Variants in ANOS1 observed in about 807,000 individuals in gnomAD.
ANOS1 encodes anosmin-1.
ANOS1 carries 6 observed loss-of-function variants against 59.0 expected under a neutral mutation model. The observed-to-expected ratio is 0.10, with a 90% CI of 0.06 to 0.20. ANOS1 has a LOEUF of 0.20. Ranked by LOEUF, ANOS1 falls within the 10% of genes least tolerant of loss-of-function variation. The pLI is 1.00. For synonymous variants in ANOS1, 217 were observed against 223.4 expected, an observed-to-expected ratio of 0.97 and a Z score of 0.25; for missense variants, 433 against 542.3, an observed-to-expected ratio of 0.80 and a Z score of 2.00.
rs1929466259 is a variant in ANOS1 at position 8,529,643 on chromosome X, A to G, written c.*3352T>C. 8.9e-6 allele frequency: 1 copy of G among 112,300 alleles called. No homozygotes were observed. The highest frequency in any genetic ancestry group is 1.9e-5 in the Non-Finnish European group (1 of 53,333). 9.3% of individuals were successfully genotyped at this position (112,300 alleles called of 1,213,427 possible). A position where few individuals can be genotyped will look rare whatever the true frequency, so the allele number is the denominator to read the frequency against. ...ACAGTTTAGGCCTTTGAAGTCAACC[A>G]TAATAACTTCTTAGCTGTCCCTTAG... On this transcript the variant is annotated 3_prime_UTR_variant, in exon 14 of 14. Coordinates refer to ENST00000262648, the MANE Select transcript of ANOS1 (RefSeq NM_000216.4).
intron 2 of ANOS1, among the ~76,000 whole-genome samples, chrX:8,684,715 T>A (rs1403573904): frequency 9.4e-6 from 1 of 106,542 alleles, no homozygotes; most frequent in Non-Finnish European, 1.9e-5. Context: ...AAAGCATGAA[T>A]CTTCACAGCT....
intron 6 of ANOS1, 108 bp from the exon 7 acceptor site, chrX:8,570,812 A>G: frequency 1.3e-6 from 1 of 781,015 alleles, no homozygotes; most frequent in Non-Finnish European, 1.9e-6. Context: ...TATAGATAGA[A>G]AAGCTGAAAA....
intron 1 of ANOS1, among the ~76,000 whole-genome samples, chrX:8,706,642 G>T (rs1932781692): frequency 8.9e-6 from 1 of 111,767 alleles, no homozygotes; most frequent in Non-Finnish European, 1.9e-5. Flanking sequence ...TGTGCATGGT[G>T]GGGGCAGAGA....
At chrX:8,566,188 CT>C in intron 8 of ANOS1, 18 of 753,275 alleles carry the variant, frequency 2.4e-5, no homozygotes, top group Non-Finnish European at 2.8e-5. Flanking sequence ...GTCATTTCTG[CT>C]TCCACTGTTT....
chrX:8,724,016 A>G (rs1212123684), intron 1 of ANOS1, among the ~76,000 whole-genome samples: 4 of 112,674 alleles, frequency 3.6e-5, no homozygotes, highest in Non-Finnish European at 7.5e-5. Context: ...TTTTTACTGA[A>G]GTCATCAGGA....
chrX:8,641,227 G>C (rs1388943089), intron 2 of ANOS1, among the ~76,000 whole-genome samples: 1 of 111,742 alleles, frequency 8.9e-6, no homozygotes. Flanking sequence ...GATGCAGACA[G>C]ACACACACAT....
chrX:8,585,876 C>T (rs1330261872), intron 5 of ANOS1, among the ~76,000 whole-genome samples: 1 of 111,822 alleles, frequency 8.9e-6, no homozygotes, highest in Non-Finnish European at 1.9e-5. Context: ...GTTTAAAAAT[C>T]TCTTGAGTAA....
chrX:8,569,367 G>A (rs1054887218), intron 7 of ANOS1, among the ~76,000 whole-genome samples: 5 of 112,513 alleles, frequency 4.4e-5, no homozygotes, highest in Admixed American at 9.4e-5. Flanking sequence ...GTGGGGCTGG[G>A]CGTGGTGGCT....
rs559102957 is a variant in ANOS1 at position 8,658,557 on chromosome X, G to C, written c.256-34887C>G. On this transcript the variant is annotated intron_variant, in intron 2 of 13. Coordinates refer to ENST00000262648, the MANE Select transcript of ANOS1 (RefSeq NM_000216.4). ...CTGTTGGATGGATGAATTCATTCTG[G>C]GACTGAATGTATGAATGAATTTAAT... Among the ~76,000 whole-genome samples, 15 of 112,192 alleles carry C rather than the reference G, an allele frequency of 1.3e-4. 1 individual carries two copies. In the South Asian group the frequency reaches 5.6e-3, roughly 42 times the overall value.
intron 2 of ANOS1, among the ~76,000 whole-genome samples, chrX:8,663,954 A>G (rs1346559733): frequency 9.0e-6 from 1 of 111,355 alleles, no homozygotes; most frequent in Non-Finnish European, 1.9e-5. Flanking sequence ...CAGGAGCAGA[A>G]AACCAAACCC....
chrX:8,653,560 T>C (rs1931882711), intron 2 of ANOS1, among the ~76,000 whole-genome samples: 1 of 111,903 alleles, frequency 8.9e-6, no homozygotes, highest in Non-Finnish European at 1.9e-5. Context: ...ATACCTACAA[T>C]CTCTGCCTTA....
chrX:8,595,992 A>G (rs1930729062), intron 4 of ANOS1, among the ~76,000 whole-genome samples: 1 of 111,429 alleles, frequency 9.0e-6, no homozygotes, highest in Admixed American at 9.5e-5. Flanking sequence ...TCTAGGTTGC[A>G]TGCTCTTTAT....
At chrX:8,703,368 C>G (rs1321177810) in intron 1 of ANOS1, among the ~76,000 whole-genome samples, 1 of 112,196 alleles carries the variant, frequency 8.9e-6, no homozygotes, top group Non-Finnish European at 1.9e-5. Context: ...AAAAATATCA[C>G]TAACGCGGCA....
intron 5 of ANOS1, among the ~76,000 whole-genome samples, chrX:8,586,975 C>A: frequency 9.3e-6 from 1 of 107,060 alleles, no homozygotes. Flanking sequence ...AAATAGGAAT[C>A]TAGTCCTTGG....
In ANOS1 at chrX:8,536,812, T is replaced by C; in HGVS notation, c.1580A>G (p.Lys527Arg). The change falls in exon 11 of 14, where the codon AAG (lysine) becomes AGG (arginine). Residue 527 changes from lysine to arginine, a missense_variant. Transcript: ENST00000262648. Reference sequence around the variant, plus strand: ...GCCAACAGGCTTGTGGCTCTTCCCCTTAAGAGCAGAGCATGGTGGAGTAGT... The same window carrying C: ...GCCAACAGGCTTGTGGCTCTTCCCCCTAAGAGCAGAGCATGGTGGAGTAGT... ...FFTTPPCSAL[K>R]GKSHKPVGCL... 5.8e-6 allele frequency: 7 copies of C among 1,209,418 alleles called. No individual in the cohort carries two copies. The highest frequency in any genetic ancestry group is 7.8e-6 in the Non-Finnish European group (7 of 893,943).
At position 8,552,522 on chromosome X, in the gene ANOS1, T is replaced by C. The variant is rs774647516; in HGVS notation, c.1354+1430A>G. On this transcript the variant is annotated intron_variant, in intron 9 of 13. Coordinates refer to ENST00000262648, the MANE Select transcript of ANOS1 (RefSeq NM_000216.4). Reference sequence around the variant, plus strand: ...GAATTGTTTCATGCAACAGAATGCATTGGTTTCTCATAAAATGCTCATGGC... The same window carrying C: ...GAATTGTTTCATGCAACAGAATGCACTGGTTTCTCATAAAATGCTCATGGC... 1.3e-4 allele frequency among the ~76,000 whole-genome samples: 15 copies of C among 112,185 alleles called. No individual in the cohort carries two copies. In the East Asian group the frequency reaches 3.4e-3, roughly 25 times the overall value.
chrX:8,640,176 C>A (rs1275534138), intron 2 of ANOS1, among the ~76,000 whole-genome samples: 1 of 110,987 alleles, frequency 9.0e-6, no homozygotes, highest in Admixed American at 9.6e-5. Context: ...CCAAATTTCA[C>A]GGCATGATGA....
In ANOS1 at chrX:8,597,110, A is replaced by G. The variant is rs1187749818; in HGVS notation, c.465T>C (p.Asn155=). 2.5e-6 allele frequency: 3 copies of G among 1,209,366 alleles called. No individual in the cohort carries two copies. Among genetic ancestry groups the G allele is most frequent in the African/African-American group, 1.8e-5 (1 of 56,903 alleles). ...AACATTTCTTCACCCCAGAGCACTC[A>G]TTGTCAACTTCGCAGCTTTCAACAC... ...AACVESCEVD[N]ECSGVKKCCS... The change falls in exon 4 of 14, where the codon AAT becomes AAC. Residue 155 remains asparagine (N), a synonymous_variant. Transcript: ENST00000262648.
In ANOS1 at chrX:8,673,815, AGT is replaced by A. The variant is rs1384060949; in HGVS notation, c.255+25881_255+25882del. 3.6e-5 allele frequency among the ~76,000 whole-genome samples: 4 copies of A among 111,919 alleles called. No individual in the cohort carries two copies. In the Admixed American group the frequency reaches 3.8e-4, roughly 11 times the overall value. ...CAGGTTGAGTTGTAGTTAACATGTG[AGT>A]GGGATCGAACCACCATAGGTACAGA... On this transcript the variant is annotated intron_variant, in intron 2 of 13. Coordinates refer to ENST00000262648, the MANE Select transcript of ANOS1 (RefSeq NM_000216.4).
Sources: gnomAD v4.1 joint callset for allele counts (sites outside exome capture counted in the v4.1 genomes callset) on GRCh38, gnomAD v4.1.1 for gene constraint, MANE v1.5 for transcripts, NCBI Gene and HGNC (gene_info 2026-07-23, HGNC 2026-07-21) for gene names.